Variants in TG observed in about 807,000 individuals in gnomAD.
TG encodes thyroid hormones.
In TG, 270 loss-of-function variants were observed where a neutral mutation model predicts 324.7. The ratio of observed to expected loss-of-function variants is 0.83; its 90% CI spans 0.75 to 0.92. The LOEUF is 0.92. TG is among the 40% of genes least tolerant of loss of function. The probability of loss-of-function intolerance (pLI) is 0.00; values close to 1 mark genes in which losing one functional copy is unlikely to be tolerated. For synonymous variants in TG, 1,401 were observed against 1,327.0 expected, an observed-to-expected ratio of 1.06 and a Z score of -1.21; for missense variants, 3,591 against 3,456.4, an observed-to-expected ratio of 1.04 and a Z score of -0.98.
intron 20 of TG, among the ~76,000 whole-genome samples, chr8:132,915,653 G>C (rs1344813261): frequency 2.0e-5 from 3 of 152,210 alleles, no homozygotes; most frequent in Admixed American, 2.0e-4. Context: ...GACATTGGGG[G>C]CCATATGGTC....
intron 13 of TG, among the ~76,000 whole-genome samples, chr8:132,898,473 G>C (rs1817445307): frequency 1.3e-5 from 2 of 152,222 alleles, no homozygotes; most frequent in African/African-American, 4.8e-5. Context: ...AAACAGCTGA[G>C]ACTGTTGAAG....
chr8:132,926,303 A>G (rs1821858466), intron 22 of TG, among the ~76,000 whole-genome samples: 1 of 152,164 alleles, frequency 6.6e-6, no homozygotes, highest in Non-Finnish European at 1.5e-5. Context: ...ATACCTGCCT[A>G]ACTCATCTTC....
Position 132,971,821 on chromosome 8 carries a change from T to C in TG, c.6003T>C (p.Asp2001=), listed in dbSNP as rs766964936. ...TCTTTGAATGTGAACGACGGTGCGA[T>C]GCGGACCCATGCTGCACTGGCTTTG... The part of the protein sequence containing the change: ...NGFFECERRC[D]ADPCCTGFGF... The change falls in exon 33 of 48, where the codon GAT becomes GAC. Residue 2001 remains aspartate (D), a synonymous_variant. Transcript: ENST00000220616. The C allele has an allele frequency of 2.5e-6, 4 of 1,613,930 alleles. No homozygotes were observed. Among genetic ancestry groups the C allele is most frequent in the Non-Finnish European group, 3.4e-6 (4 of 1,179,800 alleles).
At chr8:133,112,846 G>A (rs1252715495) in intron 43 of TG, among the ~76,000 whole-genome samples, 2 of 152,064 alleles carry the variant, frequency 1.3e-5, no homozygotes, top group African/African-American at 4.8e-5. Flanking sequence ...CCACTAGAAC[G>A]TGAGCCCCAA....
intron 35 of TG, among the ~76,000 whole-genome samples, chr8:132,996,881 G>T (rs1832935994): frequency 6.6e-6 from 1 of 152,202 alleles, no homozygotes; most frequent in Non-Finnish European, 1.5e-5. Flanking sequence ...ATACAACACA[G>T]AGTGTGTTGA....
chr8:132,984,274 A>G (rs1343889330), intron 35 of TG, among the ~76,000 whole-genome samples: 5 of 152,264 alleles, frequency 3.3e-5, no homozygotes, highest in African/African-American at 1.2e-4. Flanking sequence ...GGAGGAAATT[A>G]TTTAAAACCA....
intron 41 of TG, among the ~76,000 whole-genome samples, chr8:133,066,923 T>C (rs951274876): frequency 6.6e-6 from 1 of 152,158 alleles, no homozygotes. Context: ...TACCTTCCTC[T>C]GTCTGGGCCA....
intron 45 of TG, among the ~76,000 whole-genome samples, chr8:133,129,617 C>T (rs907130989): frequency 1.3e-5 from 2 of 152,116 alleles, no homozygotes; most frequent in African/African-American, 4.8e-5. Context: ...CTGCCTCACC[C>T]CTCCAAGTAG....
rs536812542 is a variant in TG at position 132,941,486 on chromosome 8, T to C, written c.5177T>C (p.Leu1726Pro). The C allele has an allele frequency of 1.2e-6, 2 of 1,614,202 alleles. No homozygotes were observed. Among genetic ancestry groups the C allele is most frequent in the South Asian group, 2.2e-5 (2 of 91,086 alleles). Reference sequence around the variant, plus strand: ...ACCGATGCTCACCTCTTCTGTCTTCTTGCATGCGACCGTGATCTGTGTTGC... The same window carrying C: ...ACCGATGCTCACCTCTTCTGTCTTCCTGCATGCGACCGTGATCTGTGTTGC... ...NLTDAHLFCL[L>P]ACDRDLCCDG... Residue 1726 changes from leucine (L) to proline (P), a missense_variant, in exon 26 of 48, where the codon CTT (leucine) becomes CCT (proline). Physicochemically the swap from Leu to Pro is moderately conservative, Grantham distance 98 (BLOSUM62 -3). Transcript: ENST00000220616.
chr8:132,967,720 A>G (rs1429188869), intron 30 of TG, 74 bp from the exon 31 acceptor site: 8 of 1,536,480 alleles, frequency 5.2e-6, no homozygotes, highest in Non-Finnish European at 6.3e-6. Context: ...TTCCCCACCC[A>G]GAGAATCCTG....
intron 35 of TG, among the ~76,000 whole-genome samples, chr8:133,009,000 G>T (rs1051388309): frequency 3.9e-5 from 6 of 152,184 alleles, no homozygotes; most frequent in Admixed American, 1.3e-4. Flanking sequence ...ACTCATCCAG[G>T]GGTTCATGCA....
intron 18 of TG, among the ~76,000 whole-genome samples, chr8:132,910,270 T>C (rs1819321132): frequency 1.3e-5 from 2 of 152,206 alleles, no homozygotes; most frequent in Admixed American, 1.3e-4. Context: ...GTCTGCATTC[T>C]GAAGAAGGTA....
intron 43 of TG, among the ~76,000 whole-genome samples, chr8:133,108,629 C>T (rs1222884767): frequency 1.3e-5 from 2 of 152,208 alleles, no homozygotes; most frequent in Non-Finnish European, 2.9e-5. Context: ...ACCCTCCAAG[C>T]CCAGACCTTT....
At position 132,888,531 on chromosome 8, in the gene TG, G is replaced by A; in HGVS notation, c.2724G>A (p.Leu908=). The change falls in exon 10 of 48, where the codon CTG becomes CTA. Residue 908 remains leucine (L), a synonymous_variant. Coordinates refer to ENST00000220616, the MANE Select transcript of TG (RefSeq NM_003235.5). Reference sequence around the variant, plus strand: ...GTGTGGATGAGGCTGGCCAAGAACTGGAAGGAATGCGGTCTGAGCCAAGCA... The same window carrying A: ...GTGTGGATGAGGCTGGCCAAGAACTAGAAGGAATGCGGTCTGAGCCAAGCA... The part of the protein sequence containing the change: ...CWCVDEAGQE[L]EGMRSEPSKL... 6.2e-7 allele frequency: 1 copy of A among 1,611,786 alleles called. No individual in the cohort carries two copies. The highest frequency in any genetic ancestry group is 1.1e-5 in the South Asian group (1 of 90,628).
At chr8:133,069,949 C>T (rs1021304394) in intron 41 of TG, among the ~76,000 whole-genome samples, 5 of 131,406 alleles carry the variant, frequency 3.8e-5, no homozygotes, top group Admixed American at 8.7e-5. Flanking sequence ...TGCAGTGAGC[C>T]GAGATTGTGC....
At chr8:132,909,425 T>A (rs1819186548) in intron 18 of TG, among the ~76,000 whole-genome samples, 1 of 152,130 alleles carries the variant, frequency 6.6e-6, no homozygotes, top group Admixed American at 6.6e-5. Context: ...AGGAGTAAAA[T>A]GTTCTGGAAT....
intron 47 of TG, 33 bp downstream of exon 47, chr8:133,133,693 G>A: frequency 6.2e-7 from 1 of 1,603,602 alleles, no homozygotes; most frequent in Non-Finnish European, 8.5e-7. Context: ...GGAGGGAGCT[G>A]GGTGTTGATC....
At chr8:133,014,770 C>T (rs1287781474) in intron 37 of TG, among the ~76,000 whole-genome samples, 1 of 152,204 alleles carries the variant, frequency 6.6e-6, no homozygotes, top group Non-Finnish European at 1.5e-5. Flanking sequence ...GCCTTCAGAC[C>T]ACAAGAGTGT....
In TG at chr8:132,983,851, G is replaced by C. The variant is rs1428585548; in HGVS notation, c.6262+439G>C. On this transcript the variant is annotated intron_variant, in intron 35 of 47. Transcript: ENST00000220616. ...GTTATCGGCCACACTGGGCAGCACT[G>C]TGACATCTAATGATGAAACACTGGC... The C allele has an allele frequency of 3.3e-5, 9 of 276,730 alleles. No homozygotes were observed. In the East Asian group the frequency reaches 6.8e-4, roughly 21 times the overall value. 17.1% of individuals were successfully genotyped at this position (276,730 alleles called of 1,614,324 possible). A position where few individuals can be genotyped will look rare whatever the true frequency, so the allele number is the denominator to read the frequency against.
Sources: allele counts gnomAD v4.1 joint callset (sites outside exome capture counted in the v4.1 genomes callset), GRCh38; gene constraint gnomAD v4.1.1; transcripts MANE v1.5; gene names NCBI Gene and HGNC (gene_info 2026-07-23, HGNC 2026-07-21).